The following C16orf74 variants were observed in gnomAD, a reference collection of about 807,000 sequenced individuals.
The protein encoded by C16orf74 is calcimembrin.
In C16orf74, 10 loss-of-function variants were observed where a neutral mutation model predicts 6.5. That is an observed-to-expected ratio of 1.54 (90% CI 0.95 to 2.61). C16orf74 has a LOEUF of 2.61. C16orf74 is among the 30% of genes most tolerant of loss of function. C16orf74 has a pLI of 0.00. For synonymous variants in C16orf74, 60 were observed against 42.5 expected (o/e 1.41, Z -1.60); for missense variants, 141 against 105.9 (o/e 1.33, Z -1.45).
intron 2 of C16orf74, among the ~76,000 whole-genome samples, chr16:85,732,198 C>A (rs942327485): frequency 6.6e-6 from 1 of 152,210 alleles, no homozygotes; most frequent in African/African-American, 2.4e-5. Flanking sequence ...TTAGAGCTTC[C>A]AGAAGAAACG....
Position 85,707,888 on chromosome 16 carries a change from C to A in C16orf74, c.*120G>T, listed in dbSNP as rs1156523114. Reference sequence around the variant, plus strand: ...TGCCACGTCTCTCTGAGCGGAGGCCCGGGTTCGCTCAGTTCCCATCCAGGG... The same window carrying A: ...TGCCACGTCTCTCTGAGCGGAGGCCAGGGTTCGCTCAGTTCCCATCCAGGG... On this transcript the variant is annotated 3_prime_UTR_variant, in exon 4 of 4. Transcript: ENST00000284245. The A allele has an allele frequency of 5.1e-6, 4 of 781,166 alleles. No homozygotes were observed. In the East Asian group the frequency reaches 1.1e-4, roughly 21 times the overall value. 48.4% of individuals were successfully genotyped at this position (781,166 alleles called of 1,614,324 possible). A position where few individuals can be genotyped will look rare whatever the true frequency, so the allele number is the denominator to read the frequency against.
intron 1 of C16orf74, among the ~76,000 whole-genome samples, chr16:85,738,715 C>T (rs2054271400): frequency 6.6e-6 from 1 of 151,678 alleles, no homozygotes; most frequent in African/African-American, 2.4e-5. Flanking sequence ...TGAGGGGTAG[C>T]GGAGGAGTGG....
intron 2 of C16orf74, among the ~76,000 whole-genome samples, chr16:85,725,905 TGAA>T (rs2054128346): frequency 6.6e-6 from 1 of 152,154 alleles, no homozygotes; most frequent in South Asian, 2.1e-4. Context: ...TGTATTACTC[TGAA>T]GTTCTCAATC....
chr16:85,717,208 A>G (rs2054034315), intron 2 of C16orf74, among the ~76,000 whole-genome samples: 1 of 152,216 alleles, frequency 6.6e-6, no homozygotes, highest in African/African-American at 2.4e-5. Context: ...GGGTGCTGGC[A>G]TGGCGAGGTT....
chr16:85,726,763 G>T (rs1413241451), intron 2 of C16orf74, among the ~76,000 whole-genome samples: 1 of 152,116 alleles, frequency 6.6e-6, no homozygotes, highest in Non-Finnish European at 1.5e-5. Context: ...CCCAGGGATG[G>T]AAACTCCACA....
chr16:85,744,605 C>A (rs188907960), intron 1 of C16orf74, among the ~76,000 whole-genome samples: 1 of 151,972 alleles, frequency 6.6e-6, no homozygotes, highest in Non-Finnish European at 1.5e-5. Flanking sequence ...CCAAGGCGGG[C>A]GGATCACGAG....
intron 1 of C16orf74, among the ~76,000 whole-genome samples, chr16:85,747,545 G>T (rs2054387895): frequency 6.6e-6 from 1 of 152,068 alleles, no homozygotes; most frequent in Non-Finnish European, 1.5e-5. Flanking sequence ...TTCTGGGGGT[G>T]TCCTGGGGGG....
chr16:85,710,405 A>G (rs2053958095), intron 2 of C16orf74, 98 bp from the exon 3 acceptor site: 6 of 1,227,600 alleles, frequency 4.9e-6, no homozygotes, highest in South Asian at 1.7e-5. Context: ...TCCCTTCACT[A>G]TCACCTGGGT....
chr16:85,745,223 G>C (rs958696755), intron 1 of C16orf74, among the ~76,000 whole-genome samples: 12 of 151,346 alleles, frequency 7.9e-5, no homozygotes, highest in African/African-American at 2.9e-4. Flanking sequence ...ATGGGCAATG[G>C]GCAATTATAA....
In C16orf74 at chr16:85,715,082, G is replaced by A. The variant is rs73255164; in HGVS notation, c.29-4775C>T. ...TGAGGCAGGAGAATGGCGTGAACCCGGGAGGCGGAGCTTGCAGTGAGCCGA... is the reference window on the plus strand; with the variant it reads ...TGAGGCAGGAGAATGGCGTGAACCCAGGAGGCGGAGCTTGCAGTGAGCCGA... On this transcript the variant is annotated intron_variant, in intron 2 of 3. Transcript: ENST00000284245. Among the ~76,000 whole-genome samples, 199 of 151,506 alleles carry A rather than the reference G, an allele frequency of 1.3e-3. 1 individual carries two copies. The highest frequency in any genetic ancestry group is 4.6e-3 in the African/African-American group (189 of 41,270).
At chr16:85,710,685 C>G (rs377186767) in intron 2 of C16orf74, 1 of 192,704 alleles carries the variant, frequency 5.2e-6, no homozygotes. Context: ...TCACACTTCC[C>G]CAGACTCCCT....
intron 1 of C16orf74, among the ~76,000 whole-genome samples, chr16:85,744,795 A>G (rs1003209395): frequency 1.5e-5 from 2 of 133,134 alleles, no homozygotes; most frequent in African/African-American, 2.9e-5. Flanking sequence ...GTGCCACTGC[A>G]CTCCAGCCTG....
At chr16:85,733,660 A>T (rs2054214363) in intron 2 of C16orf74, among the ~76,000 whole-genome samples, 1 of 152,200 alleles carries the variant, frequency 6.6e-6, no homozygotes, top group South Asian at 2.1e-4. Context: ...TCAAGGGGTT[A>T]GGCTTGACCC....
chr16:85,714,006 A>C (rs1263380702), intron 2 of C16orf74, among the ~76,000 whole-genome samples: 1 of 152,174 alleles, frequency 6.6e-6, no homozygotes, highest in Non-Finnish European at 1.5e-5. Context: ...TCAGCAAATG[A>C]ACAAACATGA....
At chr16:85,731,767 A>G (rs529160453) in intron 2 of C16orf74, among the ~76,000 whole-genome samples, 56 of 152,002 alleles carry the variant, frequency 3.7e-4, no homozygotes, top group Non-Finnish European at 7.1e-4. Context: ...AGCTCACTGC[A>G]GCCTTGACTT....
At chr16:85,729,154 A>G (rs1382004723) in intron 2 of C16orf74, among the ~76,000 whole-genome samples, 1 of 151,900 alleles carries the variant, frequency 6.6e-6, no homozygotes, top group Non-Finnish European at 1.5e-5. Flanking sequence ...TGTGGAGCCA[A>G]CCCCTCCTAA....
chr16:85,735,483 G>C lies in C16orf74; in HGVS notation c.-18-248C>G, dbSNP rs184630768. Among the ~76,000 whole-genome samples the C allele has an allele frequency of 4.3e-3, 659 of 152,314 alleles. 5 individuals are homozygous for C. The highest frequency in any genetic ancestry group is 0.015 in the African/African-American group (616 of 41,580). ...GTTAAATATACAGGAAGCCAAGGCG[G>C]CGTCTGCAGCCCTGGCTCTGTGAGG... On this transcript the variant is annotated intron_variant, in intron 1 of 3. Transcript: ENST00000284245.
rs1204113155 is a variant in C16orf74 at position 85,723,205 on chromosome 16, AGCTGAGATC to A, written c.28+11976_28+11984del. The stretch of plus-strand genomic sequence containing the variant: ...AACCCAGGAGGTGGAGGCTGCAGTG[AGCTGAGATC>A]GCACCACTGTACTCCAGCCTGGGCA... On this transcript the variant is annotated intron_variant, in intron 2 of 3. Transcript: ENST00000284245. Among the ~76,000 whole-genome samples, 5 of 145,010 alleles carry A rather than the reference AGCTGAGATC, an allele frequency of 3.4e-5. No homozygotes were observed. In the East Asian group the frequency reaches 1.1e-3, roughly 31 times the overall value.
chr16:85,730,656 C>T (rs552761601), intron 2 of C16orf74, among the ~76,000 whole-genome samples: 1 of 145,622 alleles, frequency 6.9e-6, no homozygotes, highest in Non-Finnish European at 1.5e-5. Flanking sequence ...CAACTGAACC[C>T]CCAGATTAGC....
Sources: allele counts gnomAD v4.1 joint callset (sites outside exome capture counted in the v4.1 genomes callset), GRCh38; gene constraint gnomAD v4.1.1; transcripts MANE v1.5; gene names NCBI Gene and HGNC (gene_info 2026-07-23, HGNC 2026-07-21).